Variants in ARFGAP2 observed in about 807,000 individuals in gnomAD.
The protein encoded by ARFGAP2 is ADP-ribosylation factor GTPase-activating protein 2.
ARFGAP2 carries 45 observed loss-of-function variants against 71.9 expected under a neutral mutation model. The ratio of observed to expected loss-of-function variants is 0.63; its 90% CI spans 0.49 to 0.80. The LOEUF (loss-of-function observed/expected upper bound fraction) is 0.80, where lower values mean the gene tolerates loss of function less well. Among genes scored for constraint, ARFGAP2 ranks in the 30% least tolerant of loss-of-function variants. The pLI is 0.00. For synonymous variants in ARFGAP2, 248 were observed against 249.2 expected, an observed-to-expected ratio of 1.00 and a Z score of 0.05; for missense variants, 633 against 673.9, an observed-to-expected ratio of 0.94 and a Z score of 0.67.
intron 12 of ARFGAP2, 78 bp downstream of exon 12, chr11:47,167,831 G>A: frequency 6.8e-7 from 1 of 1,472,888 alleles, no homozygotes; most frequent in Non-Finnish European, 9.0e-7. Context: ...CTTCTAGACA[G>A]TGCTGCCTTA....
rs200713761 is a variant in ARFGAP2 at position 47,166,377 on chromosome 11, G to A, written c.1436C>T (p.Ser479Phe). The A allele has an allele frequency of 2.4e-5, 38 of 1,614,092 alleles. No individual in the cohort carries two copies. The East Asian group carries it at 8.5e-4, about 36-fold the overall frequency. Residue 479 changes from serine to phenylalanine, a missense_variant, in exon 15 of 16, where the codon TCT becomes TTT. Coordinates refer to ENST00000524782, the MANE Select transcript of ARFGAP2 (RefSeq NM_032389.6). ...CGCTGTAGGCAGCACGTTCCCCAGA[G>A]ATACACTTCCTGTAAAACAAGAGCA... is the stretch of plus-strand genomic sequence containing the variant. The part of the protein sequence containing the change: ...MDGAHGAGSV[S>F]LGNVLPTADI...
rs751176662 is a variant in ARFGAP2, at chr11:47,176,862, C to T, written c.-9G>A. The T allele has an allele frequency of 6.2e-6, 10 of 1,612,562 alleles. No individual in the cohort carries two copies. The Admixed American group carries it at 1.3e-4, about 22-fold the overall frequency. On this transcript the variant is annotated 5_prime_UTR_variant, in exon 1 of 16. Coordinates refer to ENST00000524782, the MANE Select transcript of ARFGAP2 (RefSeq NM_032389.6). ...TTCGGCTCCGCCGCCATTTTCTCTCCTTCCCAGACACAACCGCGGCTGACG... is the reference window on the plus strand; with the variant it reads ...TTCGGCTCCGCCGCCATTTTCTCTCTTTCCCAGACACAACCGCGGCTGACG...
At chr11:47,175,678 C>T (rs1204173412) in intron 3 of ARFGAP2, 173 bp downstream of exon 3, 3 of 728,092 alleles carry the variant, frequency 4.1e-6, no homozygotes, top group Non-Finnish European at 6.8e-6. Flanking sequence ...GAATCTGAAA[C>T]CCATTTAAGA....
At chr11:47,175,602 C>T (rs75290815) in intron 3 of ARFGAP2, 29,302 of 622,998 alleles carry the variant, frequency 0.047, 917 homozygotes, top group Non-Finnish European at 0.064. Context: ...GCCCACAAGA[C>T]CCAATGACTG....
rs57323109 is a variant in ARFGAP2 at position 47,171,816 on chromosome 11, T to G, written c.673-16A>C. 0.34 allele frequency: 545,204 copies of G among 1,612,240 alleles called. 97,197 individuals carry two copies. The highest frequency in any genetic ancestry group is 0.71 in the East Asian group (31,934 of 44,864). On this transcript the variant is annotated splice_polypyrimidine_tract_variant and intron_variant, in intron 8 of 15. Transcript: ENST00000524782. ...TGGCACCCAGCTGGGAACAGAATCA[T>G]GTAAGGGGCCTTCCCAATCACACTC...
At position 47,175,206 on chromosome 11, in the gene ARFGAP2, C is replaced by T. The variant is rs772883557; in HGVS notation, c.372G>A (p.Ala124=). The change falls in exon 4 of 16, where the codon GCG becomes GCA. Residue 124 remains alanine (A), a synonymous_variant. Coordinates refer to ENST00000524782, the MANE Select transcript of ARFGAP2 (RefSeq NM_032389.6). The stretch of plus-strand genomic sequence containing the variant: ...CATCAGTGCCATGCCTAGCCAGGGC[C>T]GCACTCCCCAGCTGCCGGATCTTCT... The part of the protein sequence containing the change: ...YREKIRQLGS[A]ALARHGTDLW... 12 of 1,614,024 alleles carry T rather than the reference C, an allele frequency of 7.4e-6. No homozygotes were observed. The South Asian group carries it at 8.8e-5, about 12-fold the overall frequency.
intron 10 of ARFGAP2, among the ~76,000 whole-genome samples, chr11:47,170,032 C>T (rs914964271): frequency 2.0e-5 from 3 of 151,864 alleles, no homozygotes; most frequent in Admixed American, 1.3e-4. Context: ...GGCTCACGCC[C>T]GTAATCCAAG....
In ARFGAP2 at chr11:47,165,308, G is replaced by A. The variant is rs1413137613; in HGVS notation, c.*174C>T. On this transcript the variant is annotated 3_prime_UTR_variant, in exon 16 of 16. Transcript: ENST00000524782. ...AGTCCACAGGCAGAGGACAAGGGCT[G>A]GTACTGACCATTCCCCTCACAGGAG... 1 of 678,086 alleles carries A rather than the reference G, an allele frequency of 1.5e-6. No individual in the cohort carries two copies. Among genetic ancestry groups the A allele is most frequent in the Non-Finnish European group, 2.4e-6 (1 of 422,020 alleles). The allele number at this position is 678,086 out of a possible 1,614,324, so 42.0% of individuals were successfully genotyped here.
chr11:47,164,469 G>A lies in ARFGAP2; in HGVS notation c.*1013C>T. 1 of 434,000 alleles carries A rather than the reference G, an allele frequency of 2.3e-6. No individual in the cohort carries two copies. Among genetic ancestry groups the A allele is most frequent in the Non-Finnish European group, 4.0e-6 (1 of 249,836 alleles). 26.9% of individuals were successfully genotyped at this position (434,000 alleles called of 1,614,324 possible). ...AACCTACAACCCAAAGGTGGGGGCTGGGCTGAGACTGCCGGTGCGGCAGGG... is the reference window on the plus strand; with the variant it reads ...AACCTACAACCCAAAGGTGGGGGCTAGGCTGAGACTGCCGGTGCGGCAGGG... On this transcript the variant is annotated 3_prime_UTR_variant, in exon 16 of 16. Transcript: ENST00000524782.
In ARFGAP2 at chr11:47,167,924, C is replaced by G. The variant is rs756994670; in HGVS notation, c.1190G>C (p.Arg397Pro). ...KEPEVTISSI[R>P]PISERATNRR... ...CCCACTCTACCTTTCTGAAATAGGC[C>G]GGATGCTTGAGATGGTCACTTCTGG... The change falls in exon 12 of 16, where the codon CGG (arginine) becomes CCG (proline). Residue 397 changes from arginine to proline, a missense_variant. By Grantham distance (103) the Arg-to-Pro change is moderately radical. Transcript: ENST00000524782. 2 of 1,611,396 alleles carry G rather than the reference C, an allele frequency of 1.2e-6. No homozygotes were observed. Among genetic ancestry groups the G allele is most frequent in the Non-Finnish European group, 1.7e-6 (2 of 1,178,800 alleles).
chr11:47,172,896 G>A (rs1952657959), intron 7 of ARFGAP2: 1 of 771,228 alleles, frequency 1.3e-6, no homozygotes, highest in Non-Finnish European at 1.9e-6. Context: ...TCACTCTGCT[G>A]GGTTCCAGCC....
chr11:47,166,838 A>T lies in ARFGAP2; in HGVS notation c.1254T>A (p.Ser418=). 1 of 1,614,064 alleles carries T rather than the reference A, an allele frequency of 6.2e-7. No individual in the cohort carries two copies. Among genetic ancestry groups the T allele is most frequent in the Non-Finnish European group, 8.5e-7 (1 of 1,180,008 alleles). Residue 418 remains serine (S), a synonymous_variant, in exon 13 of 16, where the codon TCT becomes TCA. Coordinates refer to ENST00000524782, the MANE Select transcript of ARFGAP2 (RefSeq NM_032389.6). ...CTGCGAATTTCTGACGCGCCTCACT[A>T]GACTCGAGGCCTGAGCTCCGGCTCT... ...EVESRSSGLE[S]SEARQKFAGA...
At position 47,165,341 on chromosome 11, in the gene ARFGAP2, C is replaced by G; in HGVS notation, c.*141G>C. Reference sequence around the variant, plus strand: ...CCATTCCCCTCACAGGAGTGAGCGCCTCAAAGGCCACCCCACACACACACC... The same window carrying G: ...CCATTCCCCTCACAGGAGTGAGCGCGTCAAAGGCCACCCCACACACACACC... On this transcript the variant is annotated 3_prime_UTR_variant, in exon 16 of 16. Transcript: ENST00000524782. The G allele has an allele frequency of 8.7e-7, 1 of 1,154,714 alleles. No homozygotes were observed. The highest frequency in any genetic ancestry group is 1.8e-5 in the South Asian group (1 of 56,960). 71.5% of individuals were successfully genotyped at this position (1,154,714 alleles called of 1,614,324 possible).
At chr11:47,172,822 C>T (rs911179578) in intron 7 of ARFGAP2, 20 of 1,262,186 alleles carry the variant, frequency 1.6e-5, no homozygotes, top group African/African-American at 6.1e-5. Flanking sequence ...CCAAGCCCAG[C>T]GGTCTCTATG....
rs11542793 is a variant in ARFGAP2 at position 47,175,067 on chromosome 11, G to A, written c.428C>T (p.Pro143Leu). 2 of 1,614,044 alleles carry A rather than the reference G, an allele frequency of 1.2e-6. No homozygotes were observed. Among genetic ancestry groups the A allele is most frequent in the Admixed American group, 1.7e-5 (1 of 59,994 alleles). ...LWIDNMSSAV[P>L]NHSPEKKDSD... is the part of the protein sequence containing the mutation. The stretch of plus-strand genomic sequence containing the variant: ...GTCCTTCTTCTCTGGGGAGTGATTA[G>A]GAACGGCACTACTCATGTTGTCTAT... Residue 143 changes from proline (P) to leucine (L), a missense_variant, in exon 5 of 16, where the codon CCT becomes CTT. Physicochemically the swap from Pro to Leu is moderately conservative, Grantham distance 98. Transcript: ENST00000524782.
At chr11:47,170,744 G>A (rs1056287995) in intron 10 of ARFGAP2, among the ~76,000 whole-genome samples, 2 of 151,984 alleles carry the variant, frequency 1.3e-5, no homozygotes, top group African/African-American at 4.8e-5. Flanking sequence ...CCAGGAATTC[G>A]AGACCAGGCT....
At chr11:47,166,144 G>A (rs1168809888) in intron 15 of ARFGAP2, 124 bp downstream of exon 15, 2 of 952,066 alleles carry the variant, frequency 2.1e-6, no homozygotes, top group Non-Finnish European at 3.3e-6. Flanking sequence ...TTACAGGCGT[G>A]AGCCACCACA....
In ARFGAP2 at chr11:47,176,776, A is replaced by C. The variant is rs2135444179; in HGVS notation, c.72+6T>G. 1 of 1,614,028 alleles carries C rather than the reference A, an allele frequency of 6.2e-7. No homozygotes were observed. The highest frequency in any genetic ancestry group is 8.5e-7 in the Non-Finnish European group (1 of 1,180,002). ...GAGAGACTCCGCGCGCCCCCTGCTC[A>C]CGCACCTTGTTGGTTGGAACTGCGC... On this transcript the variant is annotated splice_donor_region_variant and intron_variant, in intron 1 of 15. Coordinates refer to ENST00000524782, the MANE Select transcript of ARFGAP2 (RefSeq NM_032389.6).
chr11:47,165,651 G>T, intron 15 of ARFGAP2, 149 bp from the exon 16 acceptor site: 1 of 832,568 alleles, frequency 1.2e-6, no homozygotes, highest in South Asian at 2.3e-5. Context: ...AGTCCACGGT[G>T]AGAGCTGGGG....
Sources: gnomAD v4.1 joint callset for allele counts (sites outside exome capture counted in the v4.1 genomes callset) on GRCh38, gnomAD v4.1.1 for gene constraint, MANE v1.5 for transcripts, NCBI Gene and HGNC (gene_info 2026-07-23, HGNC 2026-07-21) for gene names.